PYGL: variants seen among roughly 807,000 people sequenced by gnomAD.
PYGL encodes the protein glycogen phosphorylase, liver form.
A neutral mutation model predicts 100.1 loss-of-function variants in PYGL; 90 were observed. The observed-to-expected ratio is 0.90, with a 90% CI of 0.76 to 1.07. PYGL has a LOEUF of 1.07. Ranked by LOEUF, PYGL falls within the 50% of genes least tolerant of loss-of-function variation. The pLI, the probability that PYGL is intolerant of heterozygous loss-of-function variation, is 0.00. For missense variants in PYGL, 1,016 were observed against 1,057.6 expected (o/e 0.96, Z 0.55); for synonymous variants, 373 against 393.0 (o/e 0.95, Z 0.60).
intron 16 of PYGL, among the ~76,000 whole-genome samples, 161 bp downstream of exon 16, chr14:50,911,569 G>A (rs2050397988): frequency 6.6e-6 from 1 of 152,144 alleles, no homozygotes; most frequent in East Asian, 1.9e-4. Flanking sequence ...ATTGTGACTT[G>A]GGTCACTTTA....
chr14:50,934,819 A>G (rs528601927), intron 3 of PYGL, among the ~76,000 whole-genome samples: 1 of 152,318 alleles, frequency 6.6e-6, no homozygotes, highest in African/African-American at 2.4e-5. Flanking sequence ...GGGTGCTAGC[A>G]TAATAAATTT....
chr14:50,943,086 C>A (rs893345353), intron 1 of PYGL, among the ~76,000 whole-genome samples: 1 of 152,038 alleles, frequency 6.6e-6, no homozygotes, highest in African/African-American at 2.4e-5. Context: ...GGATTATAGA[C>A]CATTTTTTTT....
rs766212182 is a variant in PYGL, at chr14:50,916,969, G to C, written c.992C>G (p.Pro331Arg). Reference protein sequence around the residue: ...RGAGTVFDAFPDQVAIQLNDT... With the variant: ...RGAGTVFDAFRDQVAIQLNDT... ...CACAGACTAAATACTTGCCTGATCCGGGAAGGCATCAAACACAGTTCCTGC... is the reference window on the plus strand; with the variant it reads ...CACAGACTAAATACTTGCCTGATCCCGGAAGGCATCAAACACAGTTCCTGC... The change falls in exon 8 of 20, where the codon CCG becomes CGG. Residue 331 changes from proline to arginine, a missense_variant. Physicochemically the swap from Pro to Arg is moderately radical, Grantham distance 103. Coordinates refer to ENST00000216392, the MANE Select transcript of PYGL (RefSeq NM_002863.5). 1.2e-6 allele frequency: 2 copies of C among 1,613,992 alleles called. No homozygotes were observed. Among genetic ancestry groups the C allele is most frequent in the African/African-American group, 1.3e-5 (1 of 74,908 alleles).
Position 50,914,026 on chromosome 14 carries a change from A to G in PYGL, c.1518+675T>C, listed in dbSNP as rs183075014. 2.2e-4 allele frequency among the ~76,000 whole-genome samples: 33 copies of G among 152,302 alleles called. No homozygotes were observed. The South Asian group carries it at 4.1e-3, about 19-fold the overall frequency. Reference sequence around the variant, plus strand: ...CAGCTTCACTGGTATTAAAGTGTTAAAAACAGGAAATCTACTTATAAGAGT... The same window carrying G: ...CAGCTTCACTGGTATTAAAGTGTTAGAAACAGGAAATCTACTTATAAGAGT... On this transcript the variant is annotated intron_variant, in intron 12 of 19. Coordinates refer to ENST00000216392, the MANE Select transcript of PYGL (RefSeq NM_002863.5).
chr14:50,928,423 A>C (rs1463528100), intron 4 of PYGL, among the ~76,000 whole-genome samples: 1 of 152,148 alleles, frequency 6.6e-6, no homozygotes, highest in Non-Finnish European at 1.5e-5. Context: ...GTGGGTGCTA[A>C]GAGGCAAGAG....
At chr14:50,932,929 G>T (rs2050615392) in intron 3 of PYGL, among the ~76,000 whole-genome samples, 1 of 152,188 alleles carries the variant, frequency 6.6e-6, no homozygotes, top group Non-Finnish European at 1.5e-5. Flanking sequence ...AGGCTTTCAA[G>T]TTTTTCTTAC....
chr14:50,908,502 A>G (rs1393048466), intron 18 of PYGL, among the ~76,000 whole-genome samples, 165 bp from the exon 19 acceptor site: 1 of 152,162 alleles, frequency 6.6e-6, no homozygotes, highest in Non-Finnish European at 1.5e-5. Flanking sequence ...CAACCTTCTT[A>G]TGGTTCTCAC....
At chr14:50,920,865 T>C in intron 6 of PYGL, 91 bp downstream of exon 6, 1 of 1,342,614 alleles carries the variant, frequency 7.4e-7, no homozygotes, top group South Asian at 1.2e-5. Flanking sequence ...CTCAAGGCTT[T>C]TTTGTTTGTT....
chr14:50,925,793 G>T (rs936373383), intron 4 of PYGL, among the ~76,000 whole-genome samples: 1 of 152,236 alleles, frequency 6.6e-6, no homozygotes, highest in Non-Finnish European at 1.5e-5. Flanking sequence ...TTAGTTGGAA[G>T]AGCTAGGAGT....
chr14:50,936,991 A>G (rs955920982), intron 2 of PYGL, among the ~76,000 whole-genome samples: 1 of 152,148 alleles, frequency 6.6e-6, no homozygotes, highest in Admixed American at 6.6e-5. Flanking sequence ...TGAGTTAGCT[A>G]TGACCTGGTT....
In PYGL at chr14:50,908,307, A is replaced by G. The variant is rs1596030395; in HGVS notation, c.2343T>C (p.Tyr781=). ...RFKVFADYEA[Y]VKCQDKVSQL... ...GACTCACTTTATCTTGACACTTGAC[A>G]TAGGCTTCGTAGTCTGCAAAGACTT... The change falls in exon 19 of 20, where the codon TAT becomes TAC. Residue 781 remains tyrosine, a synonymous_variant. Coordinates refer to ENST00000216392, the MANE Select transcript of PYGL (RefSeq NM_002863.5). 6.2e-7 allele frequency: 1 copy of G among 1,605,366 alleles called. No homozygotes were observed. Among genetic ancestry groups the G allele is most frequent in the East Asian group, 2.2e-5 (1 of 44,816 alleles).
intron 1 of PYGL, among the ~76,000 whole-genome samples, chr14:50,943,706 A>C (rs568350451): frequency 4.6e-5 from 7 of 152,362 alleles, no homozygotes; most frequent in African/African-American, 1.7e-4. Context: ...CTCCCCTCCC[A>C]AAATACCAAG....
chr14:50,906,850 ACTGGCCATTATT>A (rs767789196), intron 19 of PYGL, among the ~76,000 whole-genome samples: 1 of 152,116 alleles, frequency 6.6e-6, no homozygotes, highest in Admixed American at 6.5e-5. Context: ...CCACTGGGGG[ACTGGCCATTATT>A]CTATTAGAAG....
intron 3 of PYGL, among the ~76,000 whole-genome samples, chr14:50,934,413 G>A (rs537750230): frequency 5.9e-5 from 9 of 152,200 alleles, no homozygotes; most frequent in African/African-American, 2.2e-4. Context: ...TGTGAATTGA[G>A]AAGCTTTGAA....
chr14:50,916,885 G>A, intron 8 of PYGL, 77 bp downstream of exon 8: 2 of 1,572,474 alleles, frequency 1.3e-6, no homozygotes, highest in African/African-American at 1.4e-5. Context: ...AGCACTGAGA[G>A]AGAGGAATTA....
rs773437129 is a variant in PYGL at position 50,923,973 on chromosome 14, G to T, written c.656C>A (p.Thr219Asn). Residue 219 changes from threonine (T) to asparagine (N), a missense_variant, in exon 5 of 20, where the codon ACT becomes AAT. By Grantham distance (65) the Thr-to-Asn change is moderately conservative. Coordinates refer to ENST00000216392, the MANE Select transcript of PYGL (RefSeq NM_002863.5). ...CTATACGAGCACTCTGAATACTTGA[G>T]TGTCAATCCACTTGGTCCCGGTGTT... ...HTNTGTKWID[T>N]QVVLALPYDT... is the part of the protein sequence containing the mutation. 35 of 1,613,602 alleles carry T rather than the reference G, an allele frequency of 2.2e-5. No homozygotes were observed. The South Asian group carries it at 3.6e-4, about 17-fold the overall frequency.
chr14:50,908,687 A>C, intron 18 of PYGL, 134 bp downstream of exon 18: 2 of 1,276,664 alleles, frequency 1.6e-6, no homozygotes, highest in Non-Finnish European at 1.1e-6. Flanking sequence ...AATCTATGCT[A>C]ATCTACATGA....
chr14:50,909,859 G>A, intron 17 of PYGL, 36 bp downstream of exon 17: 1 of 1,608,698 alleles, frequency 6.2e-7, no homozygotes, highest in Non-Finnish European at 8.5e-7. Flanking sequence ...GGGGGGAGGG[G>A]CAGTCCTGCC....
At chr14:50,905,707 A>G in intron 19 of PYGL, 151 bp from the exon 20 acceptor site, 1 of 817,602 alleles carries the variant, frequency 1.2e-6, no homozygotes, top group South Asian at 1.5e-5. Context: ...TTGTCTGTTG[A>G]GAGGTAGAAT....
Sources: allele counts gnomAD v4.1 joint callset (sites outside exome capture counted in the v4.1 genomes callset), GRCh38; gene constraint gnomAD v4.1.1; transcripts MANE v1.5; gene names NCBI Gene and HGNC (gene_info 2026-07-23, HGNC 2026-07-21).